Variants in ARL4C observed in about 807,000 individuals in gnomAD.
ARL4C encodes the protein ADP-ribosylation factor-like protein 4C.
A neutral mutation model predicts 12.8 loss-of-function variants in ARL4C; 5 were observed. That is an observed-to-expected ratio of 0.39 (90% CI 0.20 to 0.82). The LOEUF (loss-of-function observed/expected upper bound fraction) is 0.82, where lower values mean the gene tolerates loss of function less well. ARL4C is among the 40% of genes least tolerant of loss of function. The pLI is 0.39. For missense variants in ARL4C, 148 were observed against 265.2 expected, an observed-to-expected ratio of 0.56 and a Z score of 3.07; for synonymous variants, 119 against 119.4, an observed-to-expected ratio of 1.00 and a Z score of 0.02.
At position 234,496,826 on chromosome 2, in the gene ARL4C, C is replaced by T. The variant is rs1369671334; in HGVS notation, c.-240G>A. 1 of 149,598 alleles carries T rather than the reference C, an allele frequency of 6.7e-6. No homozygotes were observed. The highest frequency in any genetic ancestry group is 1.5e-5 in the Non-Finnish European group (1 of 67,168). 9.3% of individuals were successfully genotyped at this position (149,598 alleles called of 1,614,324 possible). On this transcript the variant is annotated 5_prime_UTR_variant, in exon 1 of 2. Transcript: ENST00000339728. ...CGCGTCTCTACGCGCGGCTTTGTCT[C>T]CCGCGAAGCCGCCTCAGATGTTCGG...
At position 234,496,038 on chromosome 2, in the gene ARL4C, C is replaced by A; in HGVS notation, c.549G>T (p.Arg183Ser). ...GCTTCTTCTTCTGCTTGAGGGACTTCCTGCGTTTCAGGATCATCTCATAGA... is the reference window on the plus strand; with the variant it reads ...GCTTCTTCTTCTGCTTGAGGGACTTACTGCGTTTCAGGATCATCTCATAGA... The part of the protein sequence containing the change: ...DKLYEMILKR[R>S]KSLKQKKKRT... Residue 183 changes from arginine to serine, a missense_variant, in exon 1 of 2, where the codon AGG (arginine) becomes AGT (serine). Arg to Ser is a moderately radical substitution (Grantham distance 110). This residue lies in a region of ARL4C where 28 missense variants were observed against 24.3 expected (regional missense o/e 1.15). Coordinates refer to ENST00000339728, the MANE Select transcript of ARL4C (RefSeq NM_001282431.2). 3 of 1,606,384 alleles carry A rather than the reference C, an allele frequency of 1.9e-6. No homozygotes were observed. Among genetic ancestry groups the A allele is most frequent in the Non-Finnish European group, 2.6e-6 (3 of 1,175,822 alleles).
chr2:234,495,943 A>G, intron 1 of ARL4C, 69 bp downstream of exon 1: 1 of 1,608,434 alleles, frequency 6.2e-7, no homozygotes, highest in Non-Finnish European at 8.5e-7. Flanking sequence ...CATCCATCCA[A>G]CCATCCATCC....
rs776481588 is a variant in ARL4C, at chr2:234,496,506, G to T, written c.81C>A (p.Thr27=). The T allele has an allele frequency of 6.2e-7, 1 of 1,613,432 alleles. No homozygotes were observed. The highest frequency in any genetic ancestry group is 8.5e-7 in the Non-Finnish European group (1 of 1,179,778). The stretch of plus-strand genomic sequence containing the variant: ...TGAACTTGAGCCGGTAGAGCACCGT[G>T]GTCTTGCCGGCCGAGTCCAAGCCCA... ...VMLGLDSAGK[T]TVLYRLKFNE... is the part of the protein sequence containing the mutation. The change falls in exon 1 of 2, where the codon ACC becomes ACA. Residue 27 remains threonine (T), a synonymous_variant. Transcript: ENST00000339728.
Position 234,495,647 on chromosome 2 carries a change from C to T in ARL4C, c.*159G>A, listed in dbSNP as rs527883248. ...GTGGGAAGAAATCGCTTTTGTCTTT[C>T]CGACAACTGAGCCTTCCACCTGGGG... is the stretch of plus-strand genomic sequence containing the variant. On this transcript the variant is annotated 3_prime_UTR_variant, in exon 2 of 2. Coordinates refer to ENST00000339728, the MANE Select transcript of ARL4C (RefSeq NM_001282431.2). The T allele has an allele frequency of 1.5e-4, 134 of 906,448 alleles. No homozygotes were observed. The highest frequency in any genetic ancestry group is 2.2e-4 in the Non-Finnish European group (131 of 585,492). The allele number at this position is 906,448 out of a possible 1,614,324, so 56.2% of individuals were successfully genotyped here.
Position 234,496,290 on chromosome 2 carries a change from G to C in ARL4C, c.297C>G (p.Asp99Glu), listed in dbSNP as rs1369321150. The C allele has an allele frequency of 3.1e-6, 5 of 1,607,902 alleles. No homozygotes were observed. In the South Asian group the frequency reaches 5.5e-5, roughly 18 times the overall value. Residue 99 changes from aspartate to glutamate, a missense_variant, in exon 1 of 2, where the codon GAC (aspartate) becomes GAG (glutamate). Physicochemically the swap from Asp to Glu is conservative, Grantham distance 45. This residue lies in a region of ARL4C where 27 missense variants were observed against 25.6 expected (regional missense o/e 1.06). Coordinates refer to ENST00000339728, the MANE Select transcript of ARL4C (RefSeq NM_001282431.2). ...IIYVVDSVDV[D>E]RLEEAKTELH... ...GCTCCGTCTTGGCCTCCTCCAGCCGGTCCACGTCCACCGAGTCCACCACGT... is the reference window on the plus strand; with the variant it reads ...GCTCCGTCTTGGCCTCCTCCAGCCGCTCCACGTCCACCGAGTCCACCACGT...
At chr2:234,495,920 T>C (rs1559296358) in intron 1 of ARL4C, 84 bp from the exon 2 acceptor site, 2 of 1,607,102 alleles carry the variant, frequency 1.2e-6, no homozygotes, top group Non-Finnish European at 1.7e-6. Context: ...GGGTTCTCGC[T>C]CATCCATCCA....
rs1472123484 is a variant in ARL4C, at chr2:234,494,705, G to A, written c.*1101C>T. ...TGAACCAAATTAGAAATCTGAACATGTCACCACTTGCAGCATAAAGGAATA... is the reference window on the plus strand; with the variant it reads ...TGAACCAAATTAGAAATCTGAACATATCACCACTTGCAGCATAAAGGAATA... On this transcript the variant is annotated 3_prime_UTR_variant, in exon 2 of 2. Transcript: ENST00000339728. 6.6e-6 allele frequency: 1 copy of A among 152,110 alleles called. No homozygotes were observed. 9.4% of individuals were successfully genotyped at this position (152,110 alleles called of 1,614,324 possible). A position where few individuals can be genotyped will look rare whatever the true frequency, so the allele number is the denominator to read the frequency against.
In ARL4C at chr2:234,496,459, G is replaced by A. The variant is rs1249052231; in HGVS notation, c.128C>T (p.Pro43Leu). 6.2e-7 allele frequency: 1 copy of A among 1,613,264 alleles called. No individual in the cohort carries two copies. Among genetic ancestry groups the A allele is most frequent in the Non-Finnish European group, 8.5e-7 (1 of 1,179,854 alleles). ...LKFNEFVNTVPTIGFNTEKIK... is the reference protein window; with the variant it reads ...LKFNEFVNTVLTIGFNTEKIK... ...CTTCTCGGTGTTGAAGCCGATGGTG[G>A]GCACCGTGTTCACGAACTCGTTGAA... The change falls in exon 1 of 2, where the codon CCC becomes CTC. Residue 43 changes from proline (P) to leucine (L), a missense_variant. Pro to Leu is a moderately conservative substitution (Grantham distance 98). Coordinates refer to ENST00000339728, the MANE Select transcript of ARL4C (RefSeq NM_001282431.2).
chr2:234,495,891 G>T (rs971802107), intron 1 of ARL4C, 55 bp from the exon 2 acceptor site: 4 of 1,602,780 alleles, frequency 2.5e-6, no homozygotes, highest in African/African-American at 2.7e-5. Flanking sequence ...GCTTTGGTTC[G>T]CTCTTTGTTC....
At chr2:234,495,927 T>C in intron 1 of ARL4C, 85 bp downstream of exon 1, 6 of 1,607,988 alleles carry the variant, frequency 3.7e-6, no homozygotes, top group South Asian at 1.1e-5. Flanking sequence ...CGCTCATCCA[T>C]CCATCCATCC....
chr2:234,494,944 G>A lies in ARL4C; in HGVS notation c.*862C>T, dbSNP rs183164002. 6 of 151,652 alleles carry A rather than the reference G, an allele frequency of 4.0e-5. No individual in the cohort carries two copies. The highest frequency in any genetic ancestry group is 7.4e-5 in the Non-Finnish European group (5 of 67,910). 9.4% of individuals were successfully genotyped at this position (151,652 alleles called of 1,614,324 possible). A position where few individuals can be genotyped will look rare whatever the true frequency, so the allele number is the denominator to read the frequency against. ...TCATCCAAACCAATCAGTAGGCTAA[G>A]AGAATTTAAAATTCCATACATATGA... is the stretch of plus-strand genomic sequence containing the variant. On this transcript the variant is annotated 3_prime_UTR_variant, in exon 2 of 2. Coordinates refer to ENST00000339728, the MANE Select transcript of ARL4C (RefSeq NM_001282431.2).
rs1360282427 is a variant in ARL4C, at chr2:234,493,232, CCCTGT to C, written c.*2569_*2573del. On this transcript the variant is annotated 3_prime_UTR_variant, in exon 2 of 2. Transcript: ENST00000339728. ...AATTGCTCTGAAACAGAACTGGCCT[CCCTGT>C]GTCTATTAGAAAACATTTCCAAAGC... is the stretch of plus-strand genomic sequence containing the variant. 6.6e-6 allele frequency: 1 copy of C among 152,484 alleles called. No individual in the cohort carries two copies. Among genetic ancestry groups the C allele is most frequent in the Admixed American group, 6.5e-5 (1 of 15,288 alleles). The allele number at this position is 152,484 out of a possible 1,614,324, so 9.4% of individuals were successfully genotyped here.
In ARL4C at chr2:234,496,297, T is replaced by C; in HGVS notation, c.290A>G (p.Asp97Gly). The C allele has an allele frequency of 6.2e-7, 1 of 1,610,240 alleles. No homozygotes were observed. The highest frequency in any genetic ancestry group is 8.5e-7 in the Non-Finnish European group (1 of 1,178,256). Residue 97 changes from aspartate (D) to glycine (G), a missense_variant, in exon 1 of 2, where the codon GAC (aspartate) becomes GGC (glycine). This residue lies in a region of ARL4C where 27 missense variants were observed against 25.6 expected (regional missense o/e 1.06). Transcript: ENST00000339728. ...DGIIYVVDSV[D>G]VDRLEEAKTE... ...CTTGGCCTCCTCCAGCCGGTCCACGTCCACCGAGTCCACCACGTAGATGAT... is the reference window on the plus strand; with the variant it reads ...CTTGGCCTCCTCCAGCCGGTCCACGCCCACCGAGTCCACCACGTAGATGAT...
rs1383646118 is a variant in ARL4C at position 234,495,671 on chromosome 2, G to A, written c.*135C>T. 10 of 1,124,514 alleles carry A rather than the reference G, an allele frequency of 8.9e-6. No homozygotes were observed. Among genetic ancestry groups the A allele is most frequent in the Non-Finnish European group, 1.3e-5 (10 of 758,832 alleles). The allele number at this position is 1,124,514 out of a possible 1,614,324, so 69.7% of individuals were successfully genotyped here. A position where few individuals can be genotyped will look rare whatever the true frequency, so the allele number is the denominator to read the frequency against. On this transcript the variant is annotated 3_prime_UTR_variant, in exon 2 of 2. Transcript: ENST00000339728. ...TCCGACAACTGAGCCTTCCACCTGG[G>A]GCTGGGAGGGCGGACAGCAGGACCG...
Position 234,496,706 on chromosome 2 carries a change from C to T in ARL4C, c.-120G>A. The T allele has an allele frequency of 9.2e-6, 4 of 436,364 alleles. No homozygotes were observed. The highest frequency in any genetic ancestry group is 1.2e-5 in the Non-Finnish European group (4 of 330,768). 27.0% of individuals were successfully genotyped at this position (436,364 alleles called of 1,614,324 possible). ...CCCGCCCGCCGCCGCCCGCACCGGC[C>T]CCGGGGCTCGGCGTCCCCGCGGGCG... On this transcript the variant is annotated 5_prime_UTR_variant, in exon 1 of 2. Coordinates refer to ENST00000339728, the MANE Select transcript of ARL4C (RefSeq NM_001282431.2).
Position 234,494,430 on chromosome 2 carries a change from A to T in ARL4C, c.*1376T>A, listed in dbSNP as rs116067644. ...AAGTGCCTGAGTACCAGTGACCATGACGTCACACTTTCTTTTATCTCAAGC... is the reference window on the plus strand; with the variant it reads ...AAGTGCCTGAGTACCAGTGACCATGTCGTCACACTTTCTTTTATCTCAAGC... On this transcript the variant is annotated 3_prime_UTR_variant, in exon 2 of 2. Transcript: ENST00000339728. The T allele has an allele frequency of 4.4e-3, 674 of 152,780 alleles. 4 individuals carry two copies. The highest frequency in any genetic ancestry group is 6.1e-3 in the Non-Finnish European group (415 of 68,032). 9.5% of individuals were successfully genotyped at this position (152,780 alleles called of 1,614,324 possible). A position where few individuals can be genotyped will look rare whatever the true frequency, so the allele number is the denominator to read the frequency against.
chr2:234,496,682 C>A lies in ARL4C; in HGVS notation c.-96G>T. 4 of 596,318 alleles carry A rather than the reference C, an allele frequency of 6.7e-6. No individual in the cohort carries two copies. Among genetic ancestry groups the A allele is most frequent in the Non-Finnish European group, 8.4e-6 (4 of 475,538 alleles). The allele number at this position is 596,318 out of a possible 1,614,324, so 36.9% of individuals were successfully genotyped here. A position where few individuals can be genotyped will look rare whatever the true frequency, so the allele number is the denominator to read the frequency against. ...CGACGCGGCCGGGCGCACCTGGGCC[C>A]CGCCCGCCGCCGCCCGCACCGGCCC... On this transcript the variant is annotated 5_prime_UTR_variant, in exon 1 of 2. Transcript: ENST00000339728.
chr2:234,496,657 C>A lies in ARL4C; in HGVS notation c.-71G>T. ...GCCGCCCCCCGAGCAGTCACGGGCC[C>A]GACGCGGCCGGGCGCACCTGGGCCC... On this transcript the variant is annotated 5_prime_UTR_variant, in exon 1 of 2. Coordinates refer to ENST00000339728, the MANE Select transcript of ARL4C (RefSeq NM_001282431.2). The A allele has an allele frequency of 2.8e-6, 3 of 1,085,810 alleles. No individual in the cohort carries two copies. The highest frequency in any genetic ancestry group is 4.9e-5 in the Admixed American group (1 of 20,366). The allele number at this position is 1,085,810 out of a possible 1,614,324, so 67.3% of individuals were successfully genotyped here.
At position 234,494,151 on chromosome 2, in the gene ARL4C, T is replaced by A. The variant is rs1323890428; in HGVS notation, c.*1655A>T. Reference sequence around the variant, plus strand: ...GTGTCCAATTTCTACAGGCCTCCTTTGTAAAGAAATGTGTAACAATGGGGG... The same window carrying A: ...GTGTCCAATTTCTACAGGCCTCCTTAGTAAAGAAATGTGTAACAATGGGGG... On this transcript the variant is annotated 3_prime_UTR_variant, in exon 2 of 2. Transcript: ENST00000339728. 1 of 151,258 alleles carries A rather than the reference T, an allele frequency of 6.6e-6. No homozygotes were observed. The highest frequency in any genetic ancestry group is 6.6e-5 in the Admixed American group (1 of 15,158). 9.4% of individuals were successfully genotyped at this position (151,258 alleles called of 1,614,324 possible).
Sources: allele counts gnomAD v4.1 joint callset, GRCh38; gene constraint gnomAD v4.1.1; regional missense constraint gnomAD v4.1.1; transcripts MANE v1.5; gene names NCBI Gene and HGNC (gene_info 2026-07-23, HGNC 2026-07-21).